GRIN2A: variants seen among roughly 807,000 people sequenced by gnomAD.
GRIN2A encodes glutamate ionotropic receptor NMDA type subunit 2A.
A neutral mutation model predicts 113.4 loss-of-function variants in GRIN2A; 22 were observed. The observed-to-expected ratio is 0.19, with a 90% CI of 0.14 to 0.28. GRIN2A has a LOEUF of 0.28. GRIN2A is among the 10% of genes least tolerant of loss of function. The pLI, the probability that GRIN2A is intolerant of heterozygous loss-of-function variation, is 1.00. For missense variants in GRIN2A, 1,502 were observed against 1,887.0 expected (o/e 0.80, Z 3.78); for synonymous variants, 827 against 738.4 (o/e 1.12, Z -1.94).
rs952767030 is a variant in GRIN2A, at chr16:10,085,458, A to C, written c.414+94540T>G. 5.3e-5 allele frequency among the ~76,000 whole-genome samples: 8 copies of C among 152,330 alleles called. No individual in the cohort carries two copies. The East Asian group carries it at 1.2e-3, about 22-fold the overall frequency. ...AAACATAACATTTAAGTATACTATA[A>C]TTTGGCCCCATGTGTCAAAAGGTGA... On this transcript the variant is annotated intron_variant, in intron 2 of 12. Coordinates refer to ENST00000330684, the MANE Select transcript of GRIN2A (RefSeq NM_001134407.3).
rs1438416240 is a variant in GRIN2A, at chr16:9,755,618, C to T, written c.*7531G>A. The T allele has an allele frequency of 5.3e-6, 1 of 187,874 alleles. No individual in the cohort carries two copies. The highest frequency in any genetic ancestry group is 2.3e-5 in the African/African-American group (1 of 42,732). 11.6% of individuals were successfully genotyped at this position (187,874 alleles called of 1,614,324 possible). A position where few individuals can be genotyped will look rare whatever the true frequency, so the allele number is the denominator to read the frequency against. On this transcript the variant is annotated 3_prime_UTR_variant, in exon 13 of 13. Transcript: ENST00000330684. ...TGGGCCTAATGCACCCCTCACCTCT[C>T]AGTAAATATAAATGCCAGGAAAGAA...
At chr16:10,026,187 T>C (rs1187602278) in intron 2 of GRIN2A, among the ~76,000 whole-genome samples, 3 of 152,164 alleles carry the variant, frequency 2.0e-5, no homozygotes, top group East Asian at 3.9e-4. Context: ...TGCTTGGAGA[T>C]TGAGAGCCAA....
chr16:10,160,254 C>T (rs948340659), intron 2 of GRIN2A, among the ~76,000 whole-genome samples: 5 of 152,178 alleles, frequency 3.3e-5, no homozygotes, highest in African/African-American at 4.8e-5. Flanking sequence ...AAACAATGTT[C>T]TGAGTGCTGG....
intron 2 of GRIN2A, among the ~76,000 whole-genome samples, chr16:10,062,856 C>T (rs1567271455): frequency 6.7e-6 from 1 of 150,332 alleles, no homozygotes; most frequent in Non-Finnish European, 1.5e-5. Flanking sequence ...CAGAGCAAGA[C>T]TCTGTTTCAA....
chr16:9,804,300 G>A (rs373367370), intron 10 of GRIN2A, among the ~76,000 whole-genome samples: 3 of 152,122 alleles, frequency 2.0e-5, no homozygotes, highest in South Asian at 4.1e-4. Flanking sequence ...GACGTGTTAG[G>A]CTGCAGCCTG....
At chr16:9,921,897 G>A (rs1027406012) in intron 3 of GRIN2A, among the ~76,000 whole-genome samples, 1 of 152,140 alleles carries the variant, frequency 6.6e-6, no homozygotes, top group Non-Finnish European at 1.5e-5. Context: ...TCTCTTTGGG[G>A]CCTCAATTTC....
At chr16:9,960,331 T>C (rs1567201538) in intron 2 of GRIN2A, among the ~76,000 whole-genome samples, 2 of 152,154 alleles carry the variant, frequency 1.3e-5, no homozygotes, top group African/African-American at 4.8e-5. Context: ...AATAAACAGA[T>C]AAAAAACTAT....
At chr16:9,791,241 G>C (rs77986824) in intron 11 of GRIN2A, among the ~76,000 whole-genome samples, 1 of 152,188 alleles carries the variant, frequency 6.6e-6, no homozygotes, top group East Asian at 1.9e-4. Context: ...ACAGAGGAGC[G>C]CAGAGGCTGA....
chr16:9,966,153 G>A (rs1027706149), intron 2 of GRIN2A, among the ~76,000 whole-genome samples: 13 of 152,142 alleles, frequency 8.5e-5, no homozygotes, highest in Non-Finnish European at 1.5e-5. Flanking sequence ...GGATACACAT[G>A]CAGATTTGTT....
chr16:10,118,751 G>A lies in GRIN2A; in HGVS notation c.414+61247C>T, dbSNP rs530218662. Among the ~76,000 whole-genome samples, 20 of 152,286 alleles carry A rather than the reference G, an allele frequency of 1.3e-4. 1 individual carries two copies. The South Asian group carries it at 3.7e-3, about 28-fold the overall frequency. On this transcript the variant is annotated intron_variant, in intron 2 of 12. Coordinates refer to ENST00000330684, the MANE Select transcript of GRIN2A (RefSeq NM_001134407.3). ...CACTGCTGAATAAAGTGTCCTATGT[G>A]AACAGGATCCTGATGGTAAATTTTC...
chr16:10,133,510 G>C (rs1257817410), intron 2 of GRIN2A, among the ~76,000 whole-genome samples: 2 of 152,170 alleles, frequency 1.3e-5, no homozygotes. Flanking sequence ...TGAAGGCTGA[G>C]GCACGAGAAG....
chr16:10,077,490 T>C (rs1275361266), intron 2 of GRIN2A, among the ~76,000 whole-genome samples: 4 of 152,174 alleles, frequency 2.6e-5, no homozygotes, highest in African/African-American at 7.2e-5. Flanking sequence ...GTTTGGTCCA[T>C]GCCACCTCTC....
intron 2 of GRIN2A, among the ~76,000 whole-genome samples, chr16:10,116,872 C>G (rs950924635): frequency 6.6e-6 from 1 of 152,118 alleles, no homozygotes. Context: ...CTGCCATATG[C>G]AGGAGCCAAA....
chr16:9,780,663 A>C (rs1306084342), intron 11 of GRIN2A, among the ~76,000 whole-genome samples: 1 of 152,190 alleles, frequency 6.6e-6, no homozygotes, highest in Admixed American at 6.5e-5. Flanking sequence ...AATTAACTGG[A>C]TATTGGGATT....
chr16:10,072,902 C>A (rs562230541), intron 2 of GRIN2A, among the ~76,000 whole-genome samples: 1 of 150,158 alleles, frequency 6.7e-6, no homozygotes, highest in South Asian at 2.1e-4. Flanking sequence ...GAAAAATGTG[C>A]TCAGAGGCAG....
intron 3 of GRIN2A, among the ~76,000 whole-genome samples, chr16:9,923,293 T>A (rs2044392385): frequency 6.6e-6 from 1 of 152,194 alleles, no homozygotes; most frequent in South Asian, 2.1e-4. Context: ...TTAGTATTAG[T>A]GTGTACATAT....
At chr16:9,878,447 C>G (rs937261854) in intron 4 of GRIN2A, among the ~76,000 whole-genome samples, 1 of 152,184 alleles carries the variant, frequency 6.6e-6, no homozygotes, top group African/African-American at 2.4e-5. Flanking sequence ...GAGGTCAGTA[C>G]TATTATGGCC....
At chr16:10,172,995 G>A (rs1470449042) in intron 2 of GRIN2A, among the ~76,000 whole-genome samples, 2 of 152,074 alleles carry the variant, frequency 1.3e-5, no homozygotes, top group Admixed American at 6.6e-5. Flanking sequence ...CTATGAGAAA[G>A]AAGATAAACA....
intron 4 of GRIN2A, among the ~76,000 whole-genome samples, chr16:9,879,166 G>A (rs532886145): frequency 6.6e-5 from 10 of 152,018 alleles, no homozygotes; most frequent in South Asian, 6.2e-4. Flanking sequence ...GAAACTTAAC[G>A]ATCATTATAT....
Sources: allele counts gnomAD v4.1 joint callset (sites outside exome capture counted in the v4.1 genomes callset), GRCh38; gene constraint gnomAD v4.1.1; transcripts MANE v1.5; gene names NCBI Gene and HGNC (gene_info 2026-07-23, HGNC 2026-07-21).